LYPD2: variants seen among roughly 807,000 people sequenced by gnomAD.
The protein encoded by LYPD2 is LY6/PLAUR domain containing 2, also known as ly6/PLAUR domain-containing protein 2.
LYPD2 carries 5 observed loss-of-function variants against 7.1 expected under a neutral mutation model. The observed-to-expected ratio is 0.70, with a 90% CI of 0.37 to 1.48. LYPD2 has a LOEUF of 1.48. Ranked by LOEUF, LYPD2 falls within the 40% of genes most tolerant of loss-of-function variation. LYPD2 has a pLI of 0.03. For synonymous variants in LYPD2, 78 were observed against 82.0 expected, an observed-to-expected ratio of 0.95 and a Z score of 0.26; for missense variants, 177 against 171.0, an observed-to-expected ratio of 1.04 and a Z score of -0.20.
In LYPD2 at chr8:142,750,288, G is replaced by A. The variant is rs1233563138; in HGVS notation, c.373C>T (p.Leu125=). The A allele has an allele frequency of 6.4e-7, 1 of 1,551,480 alleles. No homozygotes were observed. The highest frequency in any genetic ancestry group is 2.0e-5 in the Admixed American group (1 of 51,076). ...CATGGGGGTGGGCGGGGACTCTACA[G>A]TCGGAGGCTCAAGAGTGGGAGGAGC... The part of the protein sequence containing the change: ...LTLLPLLSLR[L] Residue 125 remains leucine, a synonymous_variant, in exon 3 of 3, where the codon CTG becomes TTG. Transcript: ENST00000359228.
At chr8:142,751,847 C>G (rs976338512) in intron 1 of LYPD2, among the ~76,000 whole-genome samples, 2 of 152,212 alleles carry the variant, frequency 1.3e-5, no homozygotes, top group African/African-American at 2.4e-5. Context: ...GCAGCGGGGC[C>G]TCTGCCCCTC....
At position 142,750,290 on chromosome 8, in the gene LYPD2, C is replaced by A. The variant is rs372263035; in HGVS notation, c.371G>T (p.Arg124Leu). Residue 124 changes from arginine (R) to leucine (L), a missense_variant, in exon 3 of 3, where the codon CGA (arginine) becomes CTA (leucine). By Grantham distance (102) the Arg-to-Leu change is moderately radical. Transcript: ENST00000359228. ...TGGGGGTGGGCGGGGACTCTACAGT[C>A]GGAGGCTCAAGAGTGGGAGGAGCGT... ...ALTLLPLLSL[R>L]L The A allele has an allele frequency of 1.3e-6, 2 of 1,551,400 alleles. No homozygotes were observed. Among genetic ancestry groups the A allele is most frequent in the Admixed American group, 2.0e-5 (1 of 51,060 alleles).
Position 142,752,375 on chromosome 8 carries a change from T to G in LYPD2, c.58+19A>C. The G allele has an allele frequency of 6.2e-7, 1 of 1,613,128 alleles. No individual in the cohort carries two copies. Among genetic ancestry groups the G allele is most frequent in the Non-Finnish European group, 8.5e-7 (1 of 1,179,558 alleles). ...GCATCTCCCTCCGTCCCAGCTCCCC[T>G]GTGGGTCCCACACCTCACCCAGCTC... On this transcript the variant is annotated intron_variant, in intron 1 of 2. Transcript: ENST00000359228.
chr8:142,752,328 A>G (rs1283420305), intron 1 of LYPD2, 66 bp downstream of exon 1: 2 of 1,587,412 alleles, frequency 1.3e-6, no homozygotes, highest in Admixed American at 3.4e-5. Context: ...CCTCCCGGGA[A>G]CAGTGTGAAT....
At position 142,750,720 on chromosome 8, in the gene LYPD2, A is replaced by G. The variant is rs587720892; in HGVS notation, c.179-238T>C. ...CGCCCCGAGGTGACTGTTGAAACCA[A>G]AGCCTGTAAGTGTGCCCAGCTTCTC... On this transcript the variant is annotated intron_variant, in intron 2 of 2. Transcript: ENST00000359228. 1.2e-4 allele frequency among the ~76,000 whole-genome samples: 19 copies of G among 152,354 alleles called. 2 individuals carry two copies. In the South Asian group the frequency reaches 3.9e-3, roughly 32 times the overall value.
At chr8:142,751,421 G>T (rs1443289175) in intron 1 of LYPD2, among the ~76,000 whole-genome samples, 1 of 152,212 alleles carries the variant, frequency 6.6e-6, no homozygotes, top group Non-Finnish European at 1.5e-5. Context: ...CCTGGGAGGA[G>T]CCAAGCCAAG....
intron 2 of LYPD2, among the ~76,000 whole-genome samples, chr8:142,750,799 G>A (rs1814687976): frequency 6.6e-6 from 1 of 152,270 alleles, no homozygotes; most frequent in South Asian, 2.1e-4. Flanking sequence ...ACATGAGGGA[G>A]AGAGGAAGGA....
At chr8:142,751,274 A>G in intron 1 of LYPD2, 104 bp from the exon 2 acceptor site, 1 of 1,473,624 alleles carries the variant, frequency 6.8e-7, no homozygotes, top group South Asian at 1.3e-5. Context: ...GACACTGGCC[A>G]GGGTAGAGAT....
At position 142,751,046 on chromosome 8, in the gene LYPD2, C is replaced by G. The variant is rs1317530316; in HGVS notation, c.178+5G>C. The G allele has an allele frequency of 3.7e-6, 6 of 1,614,006 alleles. No homozygotes were observed. On this transcript the variant is annotated splice_donor_5th_base_variant and intron_variant, in intron 2 of 2. Coordinates refer to ENST00000359228, the MANE Select transcript of LYPD2 (RefSeq NM_205545.3). ...CGGCCCTGCCCGCCTTCTGTGCCCACTGACCTATCTCCCGGGAGTAGAGTG... is the reference window on the plus strand; with the variant it reads ...CGGCCCTGCCCGCCTTCTGTGCCCAGTGACCTATCTCCCGGGAGTAGAGTG...
intron 1 of LYPD2, among the ~76,000 whole-genome samples, 159 bp downstream of exon 1, chr8:142,752,235 C>T (rs1180746754): frequency 6.6e-6 from 1 of 152,106 alleles, no homozygotes; most frequent in Non-Finnish European, 1.5e-5. Flanking sequence ...CGTTTCCACC[C>T]TCCCCTCCTT....
chr8:142,750,989 G>GGTCTTGC, intron 2 of LYPD2, 62 bp downstream of exon 2: 1 of 1,607,934 alleles, frequency 6.2e-7, no homozygotes, highest in Admixed American at 1.7e-5. Context: ...AGTAGAGTGT[G>GGTCTTGC]ACTGGGCTGG....
At chr8:142,750,985 G>T in intron 2 of LYPD2, 66 bp downstream of exon 2, 1 of 1,603,526 alleles carries the variant, frequency 6.2e-7, no homozygotes, top group Non-Finnish European at 8.5e-7. Flanking sequence ...TGGGAGTAGA[G>T]TGTGACTGGG....
intron 1 of LYPD2, 82 bp from the exon 2 acceptor site, chr8:142,751,252 G>A (rs1166471170): frequency 5.7e-6 from 9 of 1,566,654 alleles, no homozygotes; most frequent in Non-Finnish European, 2.6e-6. Flanking sequence ...GCCCAGGTCT[G>A]AAGAGGACAG....
intron 2 of LYPD2, 28 bp downstream of exon 2, chr8:142,751,023 G>C: frequency 6.2e-7 from 1 of 1,613,852 alleles, no homozygotes; most frequent in South Asian, 1.1e-5. Flanking sequence ...CGGGAACCCG[G>C]CCCTGCCCGC....
At chr8:142,750,596 G>A (rs117396768) in intron 2 of LYPD2, 114 bp from the exon 3 acceptor site, 22 of 1,016,774 alleles carry the variant, frequency 2.2e-5, no homozygotes, top group South Asian at 1.4e-4. Flanking sequence ...CCGGGTCTCC[G>A]TCCCTCCTGG....
Position 142,751,163 on chromosome 8 carries a change from G to T in LYPD2, c.66C>A (p.Ala22=). ...GCTCCGGACAGACGTAGCAGCGCAG[G>T]GCCGGCGCTGGGGAGAAGGGACAAG... is the stretch of plus-strand genomic sequence containing the variant. ...VLAACGELAP[A]LRCYVCPEPT... Residue 22 remains alanine, a synonymous_variant, in exon 2 of 3, where the codon GCC becomes GCA. Coordinates refer to ENST00000359228, the MANE Select transcript of LYPD2 (RefSeq NM_205545.3). 6.2e-7 allele frequency: 1 copy of T among 1,613,986 alleles called. No homozygotes were observed.
At chr8:142,752,250 C>T (rs587618667) in intron 1 of LYPD2, 144 bp downstream of exon 1, 104 of 822,034 alleles carry the variant, frequency 1.3e-4, no homozygotes, top group East Asian at 1.1e-3. Flanking sequence ...CTCCTTATGG[C>T]GGGGGGGCCA....
At chr8:142,750,564 G>T in intron 2 of LYPD2, 82 bp from the exon 3 acceptor site, 3 of 1,392,010 alleles carry the variant, frequency 2.2e-6, no homozygotes, top group Non-Finnish European at 2.0e-6. Context: ...CCTCATGCAG[G>T]CCCCACTCTG....
rs1024657902 is a variant in LYPD2, at chr8:142,752,515, G to A, written c.-64C>T. The A allele has an allele frequency of 8.0e-5, 127 of 1,585,728 alleles. 1 individual carries two copies. The highest frequency in any genetic ancestry group is 1.0e-4 in the Non-Finnish European group (116 of 1,159,156). Reference sequence around the variant, plus strand: ...GCCTGGCGGGGACAGCAGACACCAAGTGAGGTGGCGACAGACTGGTCTGCT... The same window carrying A: ...GCCTGGCGGGGACAGCAGACACCAAATGAGGTGGCGACAGACTGGTCTGCT... On this transcript the variant is annotated 5_prime_UTR_variant, in exon 1 of 3. Coordinates refer to ENST00000359228, the MANE Select transcript of LYPD2 (RefSeq NM_205545.3).
Sources: allele counts gnomAD v4.1 joint callset (sites outside exome capture counted in the v4.1 genomes callset), GRCh38; gene constraint gnomAD v4.1.1; transcripts MANE v1.5; gene names NCBI Gene and HGNC (gene_info 2026-07-23, HGNC 2026-07-21).